The following GOLIM4 variants were observed in gnomAD, a reference collection of about 807,000 sequenced individuals.
The protein encoded by GOLIM4 is 130 kDa golgi-localized phosphoprotein.
A neutral mutation model predicts 107.4 loss-of-function variants in GOLIM4; 71 were observed. The observed-to-expected ratio is 0.66, with a 90% confidence interval of 0.55 to 0.81. GOLIM4 has a LOEUF of 0.81. GOLIM4 is among the 30% of genes least tolerant of loss of function. The probability of loss-of-function intolerance (pLI) is 0.00; values close to 1 mark genes in which losing one functional copy is unlikely to be tolerated. For missense variants in GOLIM4, 830 were observed against 826.1 expected (o/e 1.00, Z -0.06); for synonymous variants, 327 against 294.8 (o/e 1.11, Z -1.12).
At chr3:168,072,307 G>A (rs1720872877) in intron 1 of GOLIM4, among the ~76,000 whole-genome samples, 1 of 151,218 alleles carries the variant, frequency 6.6e-6, no homozygotes, top group Admixed American at 6.6e-5. Flanking sequence ...GAAACAGACT[G>A]CCAAGTAACA....
At chr3:168,060,580 G>A (rs1316924339) in intron 1 of GOLIM4, among the ~76,000 whole-genome samples, 1 of 152,224 alleles carries the variant, frequency 6.6e-6, no homozygotes, top group Non-Finnish European at 1.5e-5. Context: ...GTTGACAGAT[G>A]ACAATGCAGG....
intron 1 of GOLIM4, among the ~76,000 whole-genome samples, chr3:168,050,727 C>T (rs776526128): frequency 1.6e-4 from 25 of 151,576 alleles, no homozygotes; most frequent in Non-Finnish European, 2.9e-4. Context: ...AGCAATCATG[C>T]AAAACTTTCA....
At chr3:168,021,262 A>AAGAAC (rs1717663426) in intron 14 of GOLIM4, among the ~76,000 whole-genome samples, 1 of 152,204 alleles carries the variant, frequency 6.6e-6, no homozygotes, top group African/African-American at 2.4e-5. Context: ...TCAAGTAGGT[A>AAGAAC]AGAACAGTAG....
chr3:168,032,489 T>C (rs1269142026), intron 9 of GOLIM4, 31 bp downstream of exon 9: 3 of 1,533,164 alleles, frequency 2.0e-6, no homozygotes, highest in African/African-American at 1.4e-5. Context: ...TCCATCCCAG[T>C]ACACCATACC....
intron 1 of GOLIM4, among the ~76,000 whole-genome samples, chr3:168,055,428 G>A (rs1278613288): frequency 6.6e-6 from 1 of 152,152 alleles, no homozygotes; most frequent in African/African-American, 2.4e-5. Flanking sequence ...CTGACCTAGA[G>A]ATCTGTGGAA....
rs551072259 is a variant in GOLIM4 at position 168,029,869 on chromosome 3, T to C, written c.1344A>G (p.Glu448=). Residue 448 remains glutamate, a synonymous_variant, in exon 10 of 16, where the codon GAA becomes GAG. Transcript: ENST00000470487. ...CTCTTGCCACCTGCTGCTGCTGCTG[T>C]TCCTGCTGCCGTAGTAAGTGCCCCT... is the stretch of plus-strand genomic sequence containing the variant. ...RLQGHLLRQQ[E]QQQQQVAREM... is the part of the protein sequence containing the mutation. The C allele has an allele frequency of 1.1e-4, 170 of 1,614,034 alleles. No individual in the cohort carries two copies. The East Asian group carries it at 3.6e-3, about 34-fold the overall frequency.
rs1718398168 is a variant in GOLIM4 at position 168,032,646 on chromosome 3, C to T, written c.1050G>A (p.Gln350=). 6.2e-7 allele frequency: 1 copy of T among 1,613,932 alleles called. No individual in the cohort carries two copies. Among genetic ancestry groups the T allele is most frequent in the African/African-American group, 1.3e-5 (1 of 74,872 alleles). Residue 350 remains glutamine, a synonymous_variant, in exon 9 of 16, where the codon CAG becomes CAA. Transcript: ENST00000470487. ...CCTCAAGATGTTCTGCTTGCCCGAC[C>T]TGCTCCATTTCTTCCTCCTCCAGGG... is the stretch of plus-strand genomic sequence containing the variant. ...RKALEEEEME[Q]VGQAEHLEEE...
At chr3:168,055,595 A>G (rs1332710827) in intron 1 of GOLIM4, among the ~76,000 whole-genome samples, 1 of 151,980 alleles carries the variant, frequency 6.6e-6, no homozygotes, top group Non-Finnish European at 1.5e-5. Flanking sequence ...TCAGGAGATC[A>G]AGACCATCCT....
chr3:168,058,806 T>C (rs1577550847), intron 1 of GOLIM4, among the ~76,000 whole-genome samples: 2 of 152,306 alleles, frequency 1.3e-5, no homozygotes, highest in South Asian at 4.1e-4. Context: ...TAAGTGTATA[T>C]ACATATATAT....
intron 1 of GOLIM4, among the ~76,000 whole-genome samples, chr3:168,079,271 T>C (rs1721221780): frequency 6.6e-6 from 1 of 152,202 alleles, no homozygotes. Flanking sequence ...TACAACTACA[T>C]GTAACAGTCT....
chr3:168,054,774 T>C (rs1719851061), intron 1 of GOLIM4, among the ~76,000 whole-genome samples: 1 of 152,194 alleles, frequency 6.6e-6, no homozygotes, highest in African/African-American at 2.4e-5. Flanking sequence ...ATCCCTGTGA[T>C]ATGCTTTGGC....
rs191181772 is a variant in GOLIM4 at position 168,032,949 on chromosome 3, C to T, written c.844-97G>A. ...ATGTCTATGGGGCATGGGGCTACAA[C>T]AGAAGAAGGTGTCTAGAAATATATA... On this transcript the variant is annotated intron_variant, in intron 8 of 15. Coordinates refer to ENST00000470487, the MANE Select transcript of GOLIM4 (RefSeq NM_014498.5). 6.6e-5 allele frequency: 59 copies of T among 889,896 alleles called. No individual in the cohort carries two copies. The Admixed American group carries it at 1.2e-3, about 19-fold the overall frequency. 55.1% of individuals were successfully genotyped at this position (889,896 alleles called of 1,614,324 possible). A position where few individuals can be genotyped will look rare whatever the true frequency, so the allele number is the denominator to read the frequency against.
chr3:168,042,923 C>G (rs1719097194), intron 5 of GOLIM4, among the ~76,000 whole-genome samples: 1 of 152,184 alleles, frequency 6.6e-6, no homozygotes, highest in African/African-American at 2.4e-5. Flanking sequence ...CCTGGGCAGT[C>G]TGACTATAGA....
intron 1 of GOLIM4, among the ~76,000 whole-genome samples, chr3:168,061,643 A>G (rs1416972749): frequency 3.9e-5 from 6 of 152,258 alleles, no homozygotes; most frequent in Non-Finnish European, 7.3e-5. Flanking sequence ...TAAATAATTC[A>G]TAGATGAATT....
chr3:168,021,602 G>A (rs376592618), intron 14 of GOLIM4, among the ~76,000 whole-genome samples: 2 of 151,988 alleles, frequency 1.3e-5, no homozygotes, highest in South Asian at 4.1e-4. Context: ...GAAGGCGGAG[G>A]TTGCAGTGAG....
At chr3:168,059,255 C>A (rs997986605) in intron 1 of GOLIM4, among the ~76,000 whole-genome samples, 2 of 152,092 alleles carry the variant, frequency 1.3e-5, no homozygotes, top group South Asian at 2.1e-4. Context: ...AAGTATTAAC[C>A]CCTAAAAGTT....
rs146362780 is a variant in GOLIM4, at chr3:168,069,154, C to T, written c.188-20789G>A. On this transcript the variant is annotated intron_variant, in intron 1 of 15. Coordinates refer to ENST00000470487, the MANE Select transcript of GOLIM4 (RefSeq NM_014498.5). ...GGCCTGCACTTTTAAAATTGCTACA[C>T]AAACTATTTTTTTAAGTTTATATCA... is the stretch of plus-strand genomic sequence containing the variant. Among the ~76,000 whole-genome samples, 1,117 of 152,196 alleles carry T rather than the reference C, an allele frequency of 7.3e-3. 11 individuals are homozygous for T. The highest frequency in any genetic ancestry group is 0.026 in the African/African-American group (1,074 of 41,542).
intron 1 of GOLIM4, among the ~76,000 whole-genome samples, chr3:168,056,974 CA>C (rs1206935203): frequency 2.6e-5 from 4 of 151,952 alleles, no homozygotes; most frequent in Non-Finnish European, 4.4e-5. Context: ...TGGGAGGGGT[CA>C]GGGGTGGAAT....
In GOLIM4 at chr3:168,029,288, T is replaced by A. The variant is rs146519960; in HGVS notation, c.1448A>T (p.Tyr483Phe). ...HQEQLRQQAH[Y>F]DAMDNDIVQG... The stretch of plus-strand genomic sequence containing the variant: ...AACGATATCATTATCCATAGCATCA[T>A]AATGAGCTTGCTGCCTACAAGAGAC... The change falls in exon 11 of 16, where the codon TAT becomes TTT. Residue 483 changes from tyrosine to phenylalanine, a missense_variant. Transcript: ENST00000470487. The A allele has an allele frequency of 3.4e-5, 54 of 1,606,264 alleles. No homozygotes were observed. The highest frequency in any genetic ancestry group is 4.3e-5 in the Non-Finnish European group (51 of 1,175,128).
Sources: gnomAD v4.1 joint callset for allele counts (sites outside exome capture counted in the v4.1 genomes callset) on GRCh38, gnomAD v4.1.1 for gene constraint, MANE v1.5 for transcripts, NCBI Gene and HGNC (gene_info 2026-07-23, HGNC 2026-07-21) for gene names.